The following PTPRZ1 variants were observed in gnomAD, a reference collection of about 807,000 sequenced individuals.
The protein encoded by PTPRZ1 is protein tyrosine phosphatase receptor type Z1.
A neutral mutation model predicts 214.1 loss-of-function variants in PTPRZ1; 82 were observed. The observed-to-expected ratio is 0.38, with a 90% CI of 0.32 to 0.46. The LOEUF (loss-of-function observed/expected upper bound fraction) is 0.46. Among genes scored for constraint, PTPRZ1 ranks in the 20% least tolerant of loss-of-function variants. The pLI is 1.00. For synonymous variants in PTPRZ1, 945 were observed against 987.9 expected, an observed-to-expected ratio of 0.96 and a Z score of 0.81; for missense variants, 2,603 against 2,748.7, an observed-to-expected ratio of 0.95 and a Z score of 1.19.
intron 12 of PTPRZ1, among the ~76,000 whole-genome samples, chr7:122,014,140 A>G (rs984767118): frequency 6.6e-6 from 1 of 152,182 alleles, no homozygotes; most frequent in Non-Finnish European, 1.5e-5. Context: ...TTTATTGTCA[A>G]TATTTCATAC....
At position 122,039,514 on chromosome 7, in the gene PTPRZ1, A is replaced by G; in HGVS notation, c.5563A>G (p.Thr1855Ala). The change falls in exon 20 of 30, where the codon ACT (threonine) becomes GCT (alanine). Residue 1855 changes from threonine (T) to alanine (A), a missense_variant. Around this residue, in one of 6 missense-constraint regions of PTPRZ1, gnomAD observed 1,913 missense variants for 1,914.3 expected, o/e 1.00. Transcript: ENST00000393386. Reference sequence around the variant, plus strand: ...TGAGGAGTACGGGAACTTTCTGGTCACTCAGAAGAGTGTGCAAGTGCTTGC... The same window carrying G: ...TGAGGAGTACGGGAACTTTCTGGTCGCTCAGAAGAGTGTGCAAGTGCTTGC... ...GSEEYGNFLV[T>A]QKSVQVLAYY... 1 of 1,614,070 alleles carries G rather than the reference A, an allele frequency of 6.2e-7. No homozygotes were observed. Among genetic ancestry groups the G allele is most frequent in the Non-Finnish European group, 8.5e-7 (1 of 1,179,950 alleles).
intron 6 of PTPRZ1, among the ~76,000 whole-genome samples, chr7:121,981,383 C>A (rs1797608026): frequency 6.6e-6 from 1 of 152,182 alleles, no homozygotes; most frequent in South Asian, 2.1e-4. Context: ...CACCACTGCT[C>A]TACACTCCGC....
At chr7:121,977,460 A>G (rs1162257798) in intron 6 of PTPRZ1, among the ~76,000 whole-genome samples, 1 of 152,176 alleles carries the variant, frequency 6.6e-6, no homozygotes, top group East Asian at 1.9e-4. Context: ...TATTAATTTT[A>G]CTATTTTATT....
chr7:121,886,801 A>T (rs1485988979), intron 1 of PTPRZ1, among the ~76,000 whole-genome samples: 1 of 152,126 alleles, frequency 6.6e-6, no homozygotes, highest in Admixed American at 6.6e-5. Flanking sequence ...GTCCCCATCC[A>T]TGGAAACCTT....
At chr7:121,965,118 A>C (rs1174835499) in intron 2 of PTPRZ1, among the ~76,000 whole-genome samples, 1 of 152,202 alleles carries the variant, frequency 6.6e-6, no homozygotes, top group Non-Finnish European at 1.5e-5. Context: ...CTGCATAACA[A>C]ATTACTACAA....
intron 13 of PTPRZ1, among the ~76,000 whole-genome samples, chr7:122,021,715 G>T (rs2084136533): frequency 6.6e-6 from 1 of 151,812 alleles, no homozygotes; most frequent in South Asian, 2.1e-4. Flanking sequence ...ACTCCAGCCT[G>T]GGCGACAAAG....
chr7:122,043,823 A>C (rs1799801711), intron 22 of PTPRZ1, among the ~76,000 whole-genome samples: 1 of 152,108 alleles, frequency 6.6e-6, no homozygotes, highest in Admixed American at 6.6e-5. Context: ...TATGAGCCTT[A>C]ATACCTGGGT....
chr7:121,898,127 C>T (rs1274846176), intron 1 of PTPRZ1, among the ~76,000 whole-genome samples: 2 of 151,902 alleles, frequency 1.3e-5, no homozygotes, highest in South Asian at 2.1e-4. Context: ...TCAGTCCTCT[C>T]GGTGCAAAAA....
At chr7:122,029,374 G>A (rs1004604359) in intron 14 of PTPRZ1, among the ~76,000 whole-genome samples, 1 of 151,924 alleles carries the variant, frequency 6.6e-6, no homozygotes, top group African/African-American at 2.4e-5. Flanking sequence ...ATAAATTCAA[G>A]GGGTGCATGT....
chr7:122,003,664 A>G (rs1224111639), intron 10 of PTPRZ1, among the ~76,000 whole-genome samples: 2 of 152,212 alleles, frequency 1.3e-5, no homozygotes, highest in Non-Finnish European at 2.9e-5. Context: ...GATTCCATAA[A>G]GGCATGGGAG....
chr7:121,908,456 A>G, intron 1 of PTPRZ1: 1 of 394,092 alleles, frequency 2.5e-6, no homozygotes. Context: ...CAACTTTTAT[A>G]TTCCTTTTTG....
At chr7:121,932,098 G>A (rs907704926) in intron 2 of PTPRZ1, among the ~76,000 whole-genome samples, 1 of 152,160 alleles carries the variant, frequency 6.6e-6, no homozygotes, top group South Asian at 2.1e-4. Context: ...AACTAAAGAT[G>A]AGTACATTTT....
intron 1 of PTPRZ1, among the ~76,000 whole-genome samples, chr7:121,919,742 A>G (rs1416993400): frequency 6.6e-6 from 1 of 151,962 alleles, no homozygotes; most frequent in Non-Finnish European, 1.5e-5. Context: ...GTTTCCTTTA[A>G]CATATATTAA....
intron 12 of PTPRZ1, among the ~76,000 whole-genome samples, chr7:122,014,660 G>A (rs1798793056): frequency 6.6e-6 from 1 of 152,066 alleles, no homozygotes; most frequent in Non-Finnish European, 1.5e-5. Flanking sequence ...GGATGGTCTT[G>A]ATCTCCTGAC....
intron 1 of PTPRZ1, among the ~76,000 whole-genome samples, chr7:121,914,660 G>T (rs762398472): frequency 6.6e-6 from 1 of 152,064 alleles, no homozygotes; most frequent in African/African-American, 2.4e-5. Context: ...AAATATCCTT[G>T]GTGGTCCATG....
chr7:122,050,466 A>AAGGGGG (rs1792143700), intron 23 of PTPRZ1, among the ~76,000 whole-genome samples: 1 of 102,656 alleles, frequency 9.7e-6, no homozygotes, highest in African/African-American at 3.7e-5. Context: ...AAAGGAGAGG[A>AAGGGGG]GGGGAGGGGA....
At chr7:121,974,728 T>C (rs913236414) in intron 4 of PTPRZ1, among the ~76,000 whole-genome samples, 11 of 152,160 alleles carry the variant, frequency 7.2e-5, no homozygotes, top group African/African-American at 2.7e-4. Context: ...GACCTCGTGA[T>C]CCACCCACCT....
Position 121,885,183 on chromosome 7 carries a change from C to G in PTPRZ1, c.58+11626C>G, listed in dbSNP as rs190184873. 1.5e-4 allele frequency among the ~76,000 whole-genome samples: 23 copies of G among 152,246 alleles called. No individual in the cohort carries two copies. In the East Asian group the frequency reaches 4.2e-3, roughly 28 times the overall value. On this transcript the variant is annotated intron_variant, in intron 1 of 29. Transcript: ENST00000393386. ...AGCAAAATGTGTATGTTAAAACACT[C>G]TTCTTATATGTTCTGTTCAACACCA...
chr7:121,991,157 T>C (rs940549594), intron 8 of PTPRZ1, among the ~76,000 whole-genome samples: 2 of 152,216 alleles, frequency 1.3e-5, no homozygotes, highest in African/African-American at 4.8e-5. Context: ...TTAAAAATGG[T>C]CACCCTATAG....
Sources: allele counts gnomAD v4.1 joint callset (sites outside exome capture counted in the v4.1 genomes callset), GRCh38; gene constraint gnomAD v4.1.1; regional missense constraint gnomAD v4.1.1; transcripts MANE v1.5; gene names NCBI Gene and HGNC (gene_info 2026-07-23, HGNC 2026-07-21).